The following RXYLT1 variants were observed in gnomAD, a reference collection of about 807,000 sequenced individuals.
The protein encoded by RXYLT1 is ribitol xylosyltransferase 1.
Under a neutral mutation model 43.5 loss-of-function variants are expected in RXYLT1, and 41 were observed. The observed-to-expected ratio is 0.94, with a 90% CI of 0.73 to 1.22. The LOEUF (loss-of-function observed/expected upper bound fraction) is 1.22. Among genes scored for constraint, RXYLT1 ranks in the 50% most tolerant of loss-of-function variants. RXYLT1 has a pLI of 0.00. For missense variants in RXYLT1, 514 were observed against 532.0 expected (o/e 0.97, Z 0.33); for synonymous variants, 166 against 194.4 (o/e 0.85, Z 1.21).
chr12:63,789,926 G>T (rs772204589), intron 3 of RXYLT1, among the ~76,000 whole-genome samples: 8 of 152,178 alleles, frequency 5.3e-5, no homozygotes, highest in Non-Finnish European at 8.8e-5. Context: ...GATATTGGAA[G>T]AATTTGTAAG....
At chr12:63,794,904 T>A (rs1430523580) in intron 3 of RXYLT1, among the ~76,000 whole-genome samples, 1 of 152,206 alleles carries the variant, frequency 6.6e-6, no homozygotes, top group Non-Finnish European at 1.5e-5. Context: ...GATCTTATGA[T>A]AACCTCACCT....
intron 4 of RXYLT1, 193 bp from the exon 5 acceptor site, chr12:63,805,040 GT>G: frequency 2.2e-6 from 1 of 450,078 alleles, no homozygotes; most frequent in East Asian, 3.5e-5. Context: ...AGAGATGTCA[GT>G]GTGAAATTCA....
At chr12:63,808,576 C>T (rs1565908508) in intron 5 of RXYLT1, 99 bp from the exon 6 acceptor site, 1 of 1,347,636 alleles carries the variant, frequency 7.4e-7, no homozygotes, top group Non-Finnish European at 1.0e-6. Context: ...AAAGTTTCAC[C>T]ATTTCCTGAA....
chr12:63,801,765 T>C (rs1898163837), intron 3 of RXYLT1, among the ~76,000 whole-genome samples: 1 of 151,644 alleles, frequency 6.6e-6, no homozygotes, highest in Non-Finnish European at 1.5e-5. Context: ...GAGGCTGCAG[T>C]GAGCCAAGAT....
chr12:63,805,107 A>G, intron 4 of RXYLT1, 127 bp from the exon 5 acceptor site: 1 of 639,630 alleles, frequency 1.6e-6, no homozygotes, highest in Middle Eastern at 4.9e-4. Flanking sequence ...GGAAAATTAC[A>G]ATTTGAGATT....
intron 3 of RXYLT1, among the ~76,000 whole-genome samples, chr12:63,785,585 C>T (rs899940855): frequency 6.6e-6 from 1 of 151,852 alleles, no homozygotes; most frequent in African/African-American, 2.4e-5. Context: ...CAATGTATTG[C>T]TTAGACTTTT....
Position 63,809,384 on chromosome 12 carries a change from A to C in RXYLT1, c.*292A>C. 3.9e-6 allele frequency: 1 copy of C among 259,592 alleles called. No homozygotes were observed. The highest frequency in any genetic ancestry group is 7.3e-6 in the Non-Finnish European group (1 of 137,464). 16.1% of individuals were successfully genotyped at this position (259,592 alleles called of 1,614,324 possible). The stretch of plus-strand genomic sequence containing the variant: ...TGTTTGTGGTGATACTGGTGTAAAC[A>C]AATCTATTGCACTGCCAGTCAAGTA... On this transcript the variant is annotated 3_prime_UTR_variant, in exon 6 of 6. Coordinates refer to ENST00000261234, the MANE Select transcript of RXYLT1 (RefSeq NM_014254.3).
At chr12:63,781,287 G>T in intron 2 of RXYLT1, 113 bp downstream of exon 2, 2 of 1,158,234 alleles carry the variant, frequency 1.7e-6, no homozygotes, top group Non-Finnish European at 2.3e-6. Flanking sequence ...AAGGCATCAT[G>T]ATATATTTTT....
At chr12:63,805,472 A>G in intron 5 of RXYLT1, 68 bp downstream of exon 5, 1 of 1,452,728 alleles carries the variant, frequency 6.9e-7, no homozygotes, top group African/African-American at 1.4e-5. Context: ...ATGTAGAAAC[A>G]CAGGTTTCCA....
chr12:63,807,491 C>CTT (rs1282139236), intron 5 of RXYLT1: 1 of 152,246 alleles, frequency 6.6e-6, no homozygotes, highest in African/African-American at 2.4e-5. Flanking sequence ...CTCCTACACT[C>CTT]TAACACCTCC....
chr12:63,809,046 T>G lies in RXYLT1; in HGVS notation c.1286T>G (p.Phe429Cys). Residue 429 changes from phenylalanine to cysteine, a missense_variant, in exon 6 of 6, where the codon TTT (phenylalanine) becomes TGT (cysteine). Phe to Cys is a radical substitution (Grantham distance 205). Coordinates refer to ENST00000261234, the MANE Select transcript of RXYLT1 (RefSeq NM_014254.3). ...QHFKTELKMK[F>C]TNILESSFLM... ...TTCAAGACAGAGCTTAAAATGAAATTTACTAATATTTTAGAAAGCTCATTT... is the reference window on the plus strand; with the variant it reads ...TTCAAGACAGAGCTTAAAATGAAATGTACTAATATTTTAGAAAGCTCATTT... The G allele has an allele frequency of 6.4e-7, 1 of 1,573,604 alleles. No individual in the cohort carries two copies. Among genetic ancestry groups the G allele is most frequent in the Non-Finnish European group, 8.6e-7 (1 of 1,162,362 alleles).
intron 3 of RXYLT1, among the ~76,000 whole-genome samples, chr12:63,789,469 G>A (rs1373804744): frequency 6.6e-6 from 1 of 152,162 alleles, no homozygotes; most frequent in East Asian, 1.9e-4. Flanking sequence ...TTCAAGATGA[G>A]ATTTGGGTGG....
rs118061913 is a variant in RXYLT1, at chr12:63,784,841, C to T, written c.326-129C>T. The T allele has an allele frequency of 0.02, 13,035 of 638,188 alleles. 224 individuals carry two copies. The highest frequency in any genetic ancestry group is 0.043 in the South Asian group (1,967 of 46,156). 39.5% of individuals were successfully genotyped at this position (638,188 alleles called of 1,614,324 possible). ...GTTGCTTGATAGCACTGCCTGCCAACGGCCCAAAGGAGAGGCATTCTGGTT... is the reference window on the plus strand; with the variant it reads ...GTTGCTTGATAGCACTGCCTGCCAATGGCCCAAAGGAGAGGCATTCTGGTT... On this transcript the variant is annotated intron_variant, in intron 2 of 5. Transcript: ENST00000261234.
At position 63,780,117 on chromosome 12, in the gene RXYLT1, A is replaced by G; in HGVS notation, c.157A>G (p.Arg53Gly). 1.3e-6 allele frequency: 2 copies of G among 1,524,746 alleles called. No homozygotes were observed. Among genetic ancestry groups the G allele is most frequent in the Non-Finnish European group, 1.8e-6 (2 of 1,142,462 alleles). 94.5% of individuals were successfully genotyped at this position (1,524,746 alleles called of 1,614,324 possible). Residue 53 changes from arginine to glycine, a missense_variant, in exon 1 of 6, where the codon AGA becomes GGA. Coordinates refer to ENST00000261234, the MANE Select transcript of RXYLT1 (RefSeq NM_014254.3). ...LRKGAAPARE[R>G]RGREQSTLES... ...GAAGGGGGCGGCCCCCGCGCGGGAG[A>G]GACGCGGCCGAGGTAGGACTGGGTC...
At chr12:63,803,827 G>C (rs539260659) in intron 4 of RXYLT1, 1 of 151,850 alleles carries the variant, frequency 6.6e-6, no homozygotes, top group African/African-American at 2.4e-5. Flanking sequence ...TGCCCACCGG[G>C]AGGCATTTGG....
intron 1 of RXYLT1, 115 bp from the exon 2 acceptor site, chr12:63,780,904 C>T (rs563753025): frequency 4.1e-4 from 380 of 917,338 alleles, no homozygotes; most frequent in Non-Finnish European, 5.0e-4. Flanking sequence ...GTTGCTGTAC[C>T]TCTCAGAAAT....
At chr12:63,780,435 T>C (rs1293844960) in intron 1 of RXYLT1, 2 of 1,209,420 alleles carry the variant, frequency 1.7e-6, no homozygotes, top group African/African-American at 1.6e-5. Flanking sequence ...GCGGGAATGC[T>C]CCTGGAAGGC....
At chr12:63,803,181 CAAAAAAAAAAAA>C (rs763579072) in intron 4 of RXYLT1, among the ~76,000 whole-genome samples, 10 of 22,594 alleles carry the variant, frequency 4.4e-4, no homozygotes, top group African/African-American at 1.2e-3. Flanking sequence ...ACTGTCTCAC[CAAAAAAAAAAAA>C]AAAAAAAAAA....
rs139272321 is a variant in RXYLT1 at position 63,802,277 on chromosome 12, T to C, written c.615T>C (p.His205=). Reference sequence around the variant, plus strand: ...CTGTTGTTTTGCTCGGAAATGAACATTGTGATAATGAGTGGATAAACCCAT... The same window carrying C: ...CTGTTGTTTTGCTCGGAAATGAACACTGTGATAATGAGTGGATAAACCCAT... ...HLAVVLLGNE[H]CDNEWINPFL... The change falls in exon 4 of 6, where the codon CAT becomes CAC. Residue 205 remains histidine, a synonymous_variant. Coordinates refer to ENST00000261234, the MANE Select transcript of RXYLT1 (RefSeq NM_014254.3). The C allele has an allele frequency of 5.2e-4, 834 of 1,614,090 alleles. 1 individual carries two copies. Among genetic ancestry groups the C allele is most frequent in the Non-Finnish European group, 6.6e-4 (779 of 1,180,004 alleles).
Sources: gnomAD v4.1 joint callset for allele counts (sites outside exome capture counted in the v4.1 genomes callset) on GRCh38, gnomAD v4.1.1 for gene constraint, MANE v1.5 for transcripts, NCBI Gene and HGNC (gene_info 2026-07-23, HGNC 2026-07-21) for gene names.